The following CACNB2 variants were observed in gnomAD, a reference collection of about 807,000 sequenced individuals.
CACNB2 encodes calcium voltage-gated channel auxiliary subunit beta 2.
A neutral mutation model predicts 73.3 loss-of-function variants in CACNB2; 42 were observed. The ratio of observed to expected loss-of-function variants is 0.57; its 90% confidence interval spans 0.45 to 0.74. The LOEUF (loss-of-function observed/expected upper bound fraction) is 0.74. CACNB2 is among the 30% of genes least tolerant of loss of function. The pLI, the probability that CACNB2 is intolerant of heterozygous loss-of-function variation, is 0.00. For missense variants in CACNB2, 940 were observed against 853.0 expected (o/e 1.10, Z -1.27); for synonymous variants, 348 against 310.3 (o/e 1.12, Z -1.28).
chr10:18,309,584 A>C (rs376763157), intron 2 of CACNB2, among the ~76,000 whole-genome samples: 1 of 152,086 alleles, frequency 6.6e-6, no homozygotes, highest in African/African-American at 2.4e-5. Context: ...CAGCCTCCCA[A>C]GTAGCTGGGA....
At chr10:18,451,716 G>C (rs1214635822) in intron 3 of CACNB2, among the ~76,000 whole-genome samples, 4 of 152,150 alleles carry the variant, frequency 2.6e-5, no homozygotes, top group Non-Finnish European at 4.4e-5. Context: ...CTGTGTCACA[G>C]CTCTGGGGTA....
chr10:18,222,060 C>T (rs567369069), intron 2 of CACNB2, among the ~76,000 whole-genome samples: 1 of 152,188 alleles, frequency 6.6e-6, no homozygotes, highest in Non-Finnish European at 1.5e-5. Context: ...TAGTTGCTAA[C>T]GTTACAAGGA....
At chr10:18,435,944 A>G (rs917476482) in intron 3 of CACNB2, among the ~76,000 whole-genome samples, 12 of 152,234 alleles carry the variant, frequency 7.9e-5, no homozygotes, top group African/African-American at 2.9e-4. Context: ...GGCCCAGAGC[A>G]TCTGTGAGCC....
chr10:18,521,390 G>A (rs2051866837), intron 9 of CACNB2, among the ~76,000 whole-genome samples: 1 of 152,164 alleles, frequency 6.6e-6, no homozygotes. Flanking sequence ...GTATGACACA[G>A]CATTATGTGT....
At chr10:18,383,442 A>G (rs570671216) in intron 2 of CACNB2, among the ~76,000 whole-genome samples, 28 of 152,260 alleles carry the variant, frequency 1.8e-4, no homozygotes, top group Middle Eastern at 3.4e-3. Flanking sequence ...TGACTTGACT[A>G]GGGTTGTGGT....
chr10:18,433,083 C>A, intron 3 of CACNB2, among the ~76,000 whole-genome samples: 1 of 150,740 alleles, frequency 6.6e-6, no homozygotes, highest in African/African-American at 2.4e-5. Context: ...TTAGATAACA[C>A]TATTTATTCA....
intron 2 of CACNB2, among the ~76,000 whole-genome samples, chr10:18,185,347 G>C (rs981217534): frequency 2.6e-5 from 4 of 152,182 alleles, no homozygotes; most frequent in Admixed American, 6.5e-5. Context: ...AATCAGATGA[G>C]TTAAATTGTA....
At chr10:18,148,499 C>G (rs2031211977) in intron 1 of CACNB2, among the ~76,000 whole-genome samples, 1 of 152,188 alleles carries the variant, frequency 6.6e-6, no homozygotes, top group African/African-American at 2.4e-5. Flanking sequence ...ATGTGTTCAA[C>G]TTCTTGCAGA....
chr10:18,440,879 C>T (rs1315164109), intron 3 of CACNB2, among the ~76,000 whole-genome samples: 1 of 152,102 alleles, frequency 6.6e-6, no homozygotes, highest in Non-Finnish European at 1.5e-5. Flanking sequence ...AGATGCAGGC[C>T]ATGGGGAAGC....
At chr10:18,503,991 T>C (rs1295624208) in intron 5 of CACNB2, among the ~76,000 whole-genome samples, 1 of 152,134 alleles carries the variant, frequency 6.6e-6, no homozygotes, top group Non-Finnish European at 1.5e-5. Context: ...TTTGGAAAAT[T>C]TGGGATGGAT....
chr10:18,541,506 T>C lies in CACNB2; in HGVS notation c.*1782T>C, dbSNP rs557700627. 3.9e-5 allele frequency: 6 copies of C among 152,314 alleles called. No individual in the cohort carries two copies. The highest frequency in any genetic ancestry group is 3.3e-4 in the Admixed American group (5 of 15,290). The allele number at this position is 152,314 out of a possible 1,614,324, so 9.4% of individuals were successfully genotyped here. ...GTGCAAGTACCTGGCACTTGAAGTT[T>C]GTCCCAGGAAAATGCCTGTGTATAA... On this transcript the variant is annotated 3_prime_UTR_variant, in exon 14 of 14. Coordinates refer to ENST00000324631, the MANE Select transcript of CACNB2 (RefSeq NM_201596.3).
chr10:18,513,680 CAAGT>C (rs1166486248), intron 6 of CACNB2: 3 of 200,624 alleles, frequency 1.5e-5, no homozygotes, highest in Admixed American at 1.0e-4. Context: ...ACATAAACAG[CAAGT>C]AATAAGTCAT....
chr10:18,349,956 C>T (rs993179006), intron 2 of CACNB2, among the ~76,000 whole-genome samples: 49 of 152,156 alleles, frequency 3.2e-4, no homozygotes, highest in African/African-American at 1.0e-3. Context: ...TTTTTAATTC[C>T]GTAACAGCTG....
At chr10:18,387,534 T>C (rs776520104) in intron 2 of CACNB2, among the ~76,000 whole-genome samples, 10 of 152,164 alleles carry the variant, frequency 6.6e-5, no homozygotes, top group Non-Finnish European at 1.2e-4. Flanking sequence ...AAGGAGATAA[T>C]AATAATACTG....
At chr10:18,408,718 T>C (rs557985877) in intron 3 of CACNB2, among the ~76,000 whole-genome samples, 1 of 152,346 alleles carries the variant, frequency 6.6e-6, no homozygotes, top group East Asian at 1.9e-4. Flanking sequence ...TTCTTTCTCT[T>C]GCTGGATCAC....
intron 3 of CACNB2, among the ~76,000 whole-genome samples, chr10:18,485,273 TAGAG>T (rs534111160): frequency 1.6e-4 from 25 of 152,296 alleles, no homozygotes; most frequent in Middle Eastern, 3.4e-3. Flanking sequence ...AGCAAGATGA[TAGAG>T]AGAAGTTATA....
chr10:18,141,161 G>A (rs928028876), intron 1 of CACNB2: 6 of 1,510,786 alleles, frequency 4.0e-6, no homozygotes, highest in Non-Finnish European at 5.3e-6. Flanking sequence ...CCCTTCCCGG[G>A]AGAGGCACAT....
At chr10:18,358,210 C>A (rs1278426599) in intron 2 of CACNB2, among the ~76,000 whole-genome samples, 2 of 152,194 alleles carry the variant, frequency 1.3e-5, no homozygotes, top group Non-Finnish European at 2.9e-5. Flanking sequence ...CCTCAGGCTC[C>A]TGAGGAGCTG....
Position 18,207,694 on chromosome 10 carries a change from T to A in CACNB2, c.213+56719T>A, listed in dbSNP as rs140451209. Among the ~76,000 whole-genome samples the A allele has an allele frequency of 3.2e-4, 49 of 152,358 alleles. 1 individual carries two copies. The highest frequency in any genetic ancestry group is 9.1e-4 in the African/African-American group (38 of 41,592). ...TTTGACTAATTTTTGTTCTTTCTTT[T>A]CAAATATATTTAACATGTACATGGG... is the stretch of plus-strand genomic sequence containing the variant. On this transcript the variant is annotated intron_variant, in intron 2 of 13. Coordinates refer to ENST00000324631, the MANE Select transcript of CACNB2 (RefSeq NM_201596.3).
Sources: allele counts gnomAD v4.1 joint callset (sites outside exome capture counted in the v4.1 genomes callset), GRCh38; gene constraint gnomAD v4.1.1; transcripts MANE v1.5; gene names NCBI Gene and HGNC (gene_info 2026-07-23, HGNC 2026-07-21).